The following GPC6 variants were observed in gnomAD, a reference collection of about 807,000 sequenced individuals.
GPC6 encodes the protein glypican 6.
GPC6 carries 14 observed loss-of-function variants against 55.2 expected under a neutral mutation model. The observed-to-expected ratio is 0.25, with a 90% CI of 0.17 to 0.40. GPC6 has a LOEUF of 0.40. GPC6 is among the 10% of genes least tolerant of loss of function. The pLI is 1.00. For synonymous variants in GPC6, 278 were observed against 259.6 expected (o/e 1.07, Z -0.68); for missense variants, 641 against 708.5 (o/e 0.90, Z 1.08).
chr13:94,272,463 C>CTTTTTT (rs555664508), intron 4 of GPC6, among the ~76,000 whole-genome samples: 185 of 85,754 alleles, frequency 2.2e-3, no homozygotes, highest in East Asian at 3.1e-3. Context: ...CTTTTCTTTT[C>CTTTTTT]TTTTTTTTTT....
chr13:93,510,975 A>G (rs9524104), intron 1 of GPC6, among the ~76,000 whole-genome samples: 114 of 6,816 alleles, frequency 0.017, no homozygotes, highest in Non-Finnish European at 0.081. Context: ...ATATATGTGT[A>G]TATATATATG....
intron 3 of GPC6, among the ~76,000 whole-genome samples, chr13:93,887,530 G>C (rs139432154): frequency 3.3e-5 from 5 of 152,026 alleles, no homozygotes; most frequent in African/African-American, 1.2e-4. Flanking sequence ...GCATTGGAAC[G>C]TCTCACTAAT....
chr13:93,507,268 A>C (rs1193984567), intron 1 of GPC6, among the ~76,000 whole-genome samples: 1 of 152,146 alleles, frequency 6.6e-6, no homozygotes, highest in Non-Finnish European at 1.5e-5. Context: ...GATCACATCG[A>C]GAAGACTGGA....
At chr13:93,511,548 T>TC (rs1880975323) in intron 1 of GPC6, among the ~76,000 whole-genome samples, 1 of 152,014 alleles carries the variant, frequency 6.6e-6, no homozygotes, top group African/African-American at 2.4e-5. Flanking sequence ...TCTACTTTTT[T>TC]CCAATACTGT....
At chr13:94,092,837 T>C (rs1156980043) in intron 4 of GPC6, among the ~76,000 whole-genome samples, 1 of 152,174 alleles carries the variant, frequency 6.6e-6, no homozygotes, top group Non-Finnish European at 1.5e-5. Flanking sequence ...TATGAGGTGA[T>C]ATCTCATGCC....
At chr13:93,533,042 C>T (rs1055715034) in intron 1 of GPC6, among the ~76,000 whole-genome samples, 8 of 152,150 alleles carry the variant, frequency 5.3e-5, no homozygotes, top group South Asian at 2.1e-4. Context: ...TGGAAGATTT[C>T]TGATTATTGT....
rs1566435364 is a variant in GPC6, at chr13:94,123,219, T to C, written c.877+95325T>C. ...ACGTTACAGAAATATGCTTTAAAAA[T>C]ATCTACAATGACAAAAATATATGAG... On this transcript the variant is annotated intron_variant, in intron 4 of 8. Transcript: ENST00000377047. 2.6e-5 allele frequency among the ~76,000 whole-genome samples: 4 copies of C among 152,000 alleles called. No individual in the cohort carries two copies. In the South Asian group the frequency reaches 8.3e-4, roughly 31 times the overall value.
chr13:93,440,294 T>C (rs1877738897), intron 1 of GPC6, among the ~76,000 whole-genome samples: 1 of 152,240 alleles, frequency 6.6e-6, no homozygotes, highest in South Asian at 2.1e-4. Flanking sequence ...GGCGAGAGTT[T>C]TGTTACCTCC....
chr13:93,879,814 A>G (rs936189822), intron 3 of GPC6, among the ~76,000 whole-genome samples: 2 of 152,154 alleles, frequency 1.3e-5, no homozygotes, highest in Non-Finnish European at 2.9e-5. Context: ...CATCCTACTC[A>G]TCTGAAAAAG....
chr13:93,562,245 G>C (rs999689861), intron 2 of GPC6, among the ~76,000 whole-genome samples: 1 of 152,046 alleles, frequency 6.6e-6, no homozygotes, highest in Admixed American at 6.6e-5. Context: ...AGCCGGGCGT[G>C]GGCTTTGCTG....
At chr13:93,603,468 G>A (rs1031680589) in intron 2 of GPC6, among the ~76,000 whole-genome samples, 2 of 152,134 alleles carry the variant, frequency 1.3e-5, no homozygotes, top group Non-Finnish European at 2.9e-5. Context: ...TTTTCTAACA[G>A]CTTTCCATGT....
intron 1 of GPC6, among the ~76,000 whole-genome samples, chr13:93,496,701 G>C (rs1171372883): frequency 6.6e-6 from 1 of 152,142 alleles, no homozygotes; most frequent in Non-Finnish European, 1.5e-5. Flanking sequence ...CAAGCTCTGT[G>C]ACCTTGGGCA....
chr13:93,406,681 A>C (rs1052625627), intron 1 of GPC6, among the ~76,000 whole-genome samples: 7 of 152,146 alleles, frequency 4.6e-5, no homozygotes, highest in African/African-American at 1.4e-4. Flanking sequence ...AACTTGCATC[A>C]GTCCAAGTGA....
chr13:93,594,032 C>G (rs1046179651), intron 2 of GPC6, among the ~76,000 whole-genome samples: 1 of 151,878 alleles, frequency 6.6e-6, no homozygotes, highest in Non-Finnish European at 1.5e-5. Context: ...TCTGTATTGG[C>G]TTTTATATAT....
chr13:93,661,453 A>T (rs912689558), intron 2 of GPC6, among the ~76,000 whole-genome samples: 2 of 152,052 alleles, frequency 1.3e-5, no homozygotes, highest in African/African-American at 4.8e-5. Flanking sequence ...ACCTCAAGTG[A>T]TCCACCTCCC....
intron 4 of GPC6, among the ~76,000 whole-genome samples, chr13:94,182,546 C>A (rs1263263743): frequency 6.6e-6 from 1 of 152,150 alleles, no homozygotes; most frequent in Non-Finnish European, 1.5e-5. Context: ...AACATTATGA[C>A]TTGGCTTTCT....
chr13:93,259,861 C>T (rs1229050995), intron 1 of GPC6, among the ~76,000 whole-genome samples: 2 of 152,060 alleles, frequency 1.3e-5, no homozygotes, highest in East Asian at 3.9e-4. Flanking sequence ...ATTGCTTCAT[C>T]ACAGTTACTG....
chr13:93,629,111 G>T (rs958431583), intron 2 of GPC6, among the ~76,000 whole-genome samples: 1 of 151,074 alleles, frequency 6.6e-6, no homozygotes, highest in South Asian at 2.1e-4. Context: ...TACTTCAAAT[G>T]ACTTTTTAAG....
rs545269465 is a variant in GPC6, at chr13:94,210,554, T to G, written c.878-75795T>G. Among the ~76,000 whole-genome samples the G allele has an allele frequency of 2.4e-4, 36 of 152,336 alleles. 1 individual carries two copies. The highest frequency in any genetic ancestry group is 8.4e-4 in the African/African-American group (35 of 41,564). On this transcript the variant is annotated intron_variant, in intron 4 of 8. Transcript: ENST00000377047. ...AATTTAAGGTAAAGAATATGTCATA[T>G]ATACATGAAATTGTATTAGAACAGG...
Sources: gnomAD v4.1 joint callset for allele counts (sites outside exome capture counted in the v4.1 genomes callset) on GRCh38, gnomAD v4.1.1 for gene constraint, MANE v1.5 for transcripts, NCBI Gene and HGNC (gene_info 2026-07-23, HGNC 2026-07-21) for gene names.